FLRT2: variants seen among roughly 807,000 people sequenced by gnomAD.
FLRT2 encodes the protein leucine-rich repeat transmembrane protein FLRT2.
Under a neutral mutation model 40.0 loss-of-function variants are expected in FLRT2, and 15 were observed. That is an observed-to-expected ratio of 0.38 (90% confidence interval 0.25 to 0.58). The LOEUF is 0.58. Among genes scored for constraint, FLRT2 ranks in the 20% least tolerant of loss-of-function variants. The probability of loss-of-function intolerance (pLI) is 0.71; values close to 1 mark genes in which losing one functional copy is unlikely to be tolerated. For missense variants in FLRT2, 726 were observed against 840.0 expected (o/e 0.86, Z 1.68); for synonymous variants, 380 against 336.8 (o/e 1.13, Z -1.41).
chr14:85,638,809 G>T lies in FLRT2; in HGVS notation c.*15312G>T, dbSNP rs999328904. The T allele has an allele frequency of 1.3e-5, 2 of 152,132 alleles. No individual in the cohort carries two copies. Among genetic ancestry groups the T allele is most frequent in the Non-Finnish European group, 2.9e-5 (2 of 68,028 alleles). The allele number at this position is 152,132 out of a possible 1,614,324, so 9.4% of individuals were successfully genotyped here. ...GAGGCCTAGATTTTGCTGCATGTCC[G>T]CAAACCTATTTTGATCAACCAGTAC... On this transcript the variant is annotated 3_prime_UTR_variant, in exon 2 of 2. Coordinates refer to ENST00000330753, the MANE Select transcript of FLRT2 (RefSeq NM_013231.6).
At chr14:85,599,181 A>G (rs1235572942) in intron 1 of FLRT2, among the ~76,000 whole-genome samples, 1 of 148,914 alleles carries the variant, frequency 6.7e-6, no homozygotes, top group Admixed American at 6.7e-5. Flanking sequence ...CGGCCTCCCA[A>G]AGTGCTGGGA....
chr14:85,623,225 C>A lies in FLRT2; in HGVS notation c.1711C>A (p.Arg571Ser). ...TTGCTGGCATATGCACAAAAAGGGG[C>A]GCTACACCTCCCAGAAGTGGAAATA... The part of the protein sequence containing the change: ...VFCWHMHKKG[R>S]YTSQKWKYNR... Residue 571 changes from arginine (R) to serine (S), a missense_variant, in exon 2 of 2, where the codon CGC (arginine) becomes AGC (serine). Around this residue, in one of 3 missense-constraint regions of FLRT2, gnomAD observed 611 missense variants for 690.0 expected, o/e 0.89. Coordinates refer to ENST00000330753, the MANE Select transcript of FLRT2 (RefSeq NM_013231.6). The A allele has an allele frequency of 6.5e-7, 1 of 1,527,706 alleles. No individual in the cohort carries two copies. The allele number at this position is 1,527,706 out of a possible 1,614,324, so 94.6% of individuals were successfully genotyped here.
At position 85,624,423 on chromosome 14, in the gene FLRT2, T is replaced by C. The variant is rs1484956809; in HGVS notation, c.*926T>C. On this transcript the variant is annotated 3_prime_UTR_variant, in exon 2 of 2. Coordinates refer to ENST00000330753, the MANE Select transcript of FLRT2 (RefSeq NM_013231.6). The stretch of plus-strand genomic sequence containing the variant: ...GAATTATTTTTGATAATGAGAATTA[T>C]TTGGGTAGATTCACTGAGGCTATGT... 1.2e-5 allele frequency: 2 copies of C among 167,090 alleles called. No homozygotes were observed. The highest frequency in any genetic ancestry group is 2.9e-5 in the Non-Finnish European group (2 of 68,124). 10.4% of individuals were successfully genotyped at this position (167,090 alleles called of 1,614,324 possible). A position where few individuals can be genotyped will look rare whatever the true frequency, so the allele number is the denominator to read the frequency against.
chr14:85,572,195 T>G (rs1032584730), intron 1 of FLRT2, among the ~76,000 whole-genome samples: 4 of 152,192 alleles, frequency 2.6e-5, no homozygotes, highest in African/African-American at 9.6e-5. Context: ...GGATTTCCTT[T>G]TCTCTGCTTA....
At chr14:85,603,972 A>G (rs1359024101) in intron 1 of FLRT2, among the ~76,000 whole-genome samples, 1 of 152,156 alleles carries the variant, frequency 6.6e-6, no homozygotes, top group East Asian at 1.9e-4. Flanking sequence ...TGCCATTTTT[A>G]CTGTGTTAAA....
In FLRT2 at chr14:85,631,695, G is replaced by T. The variant is rs550037085; in HGVS notation, c.*8198G>T. 1 of 152,246 alleles carries T rather than the reference G, an allele frequency of 6.6e-6. No homozygotes were observed. Among genetic ancestry groups the T allele is most frequent in the East Asian group, 1.9e-4 (1 of 5,188 alleles). The allele number at this position is 152,246 out of a possible 1,614,324, so 9.4% of individuals were successfully genotyped here. ...TGATTACTCATCAACATTTTTAAAA[G>T]AAATTTTGTTTTTATGATTATTTGG... On this transcript the variant is annotated 3_prime_UTR_variant, in exon 2 of 2. Transcript: ENST00000330753.
Position 85,628,324 on chromosome 14 carries a change from T to C in FLRT2, c.*4827T>C, listed in dbSNP as rs2753608. On this transcript the variant is annotated 3_prime_UTR_variant, in exon 2 of 2. Transcript: ENST00000330753. Reference sequence around the variant, plus strand: ...TTATTTTTTATTTTTAAATTTTTTTTAAACACGGTCTTACCATGTTGCCCA... The same window carrying C: ...TTATTTTTTATTTTTAAATTTTTTTCAAACACGGTCTTACCATGTTGCCCA... 6.6e-6 allele frequency: 1 copy of C among 152,000 alleles called. No individual in the cohort carries two copies. The highest frequency in any genetic ancestry group is 1.9e-4 in the East Asian group (1 of 5,182). The allele number at this position is 152,000 out of a possible 1,614,324, so 9.4% of individuals were successfully genotyped here.
At chr14:85,620,408 T>C (rs1197697558) in intron 1 of FLRT2, among the ~76,000 whole-genome samples, 1 of 152,186 alleles carries the variant, frequency 6.6e-6, no homozygotes, top group Non-Finnish European at 1.5e-5. Flanking sequence ...AGTGATAATA[T>C]AATGAATAAT....
At chr14:85,539,015 C>T (rs1214372036) in intron 1 of FLRT2, among the ~76,000 whole-genome samples, 1 of 152,072 alleles carries the variant, frequency 6.6e-6, no homozygotes, top group Non-Finnish European at 1.5e-5. Flanking sequence ...ATCTAATAGA[C>T]AAAGTGGAGG....
intron 1 of FLRT2, among the ~76,000 whole-genome samples, chr14:85,565,642 G>C (rs1890584208): frequency 6.6e-6 from 1 of 152,066 alleles, no homozygotes; most frequent in Non-Finnish European, 1.5e-5. Context: ...TGAGGTTATT[G>C]GTTTTAAAAT....
In FLRT2 at chr14:85,644,834, C is replaced by T. The variant is rs1894251531; in HGVS notation, c.*21337C>T. On this transcript the variant is annotated 3_prime_UTR_variant, in exon 2 of 2. Coordinates refer to ENST00000330753, the MANE Select transcript of FLRT2 (RefSeq NM_013231.6). ...TCTTTGCTACTTGGTTACAATGATC[C>T]AGCAAATTCAACGGTGCATAAAATG... 6.6e-6 allele frequency: 1 copy of T among 152,114 alleles called. No individual in the cohort carries two copies. Among genetic ancestry groups the T allele is most frequent in the Non-Finnish European group, 1.5e-5 (1 of 68,044 alleles). The allele number at this position is 152,114 out of a possible 1,614,324, so 9.4% of individuals were successfully genotyped here.
chr14:85,640,029 T>C lies in FLRT2; in HGVS notation c.*16532T>C, dbSNP rs530080683. The C allele has an allele frequency of 4.6e-5, 7 of 152,194 alleles. No homozygotes were observed. Among genetic ancestry groups the C allele is most frequent in the African/African-American group, 1.4e-4 (6 of 41,522 alleles). 9.4% of individuals were successfully genotyped at this position (152,194 alleles called of 1,614,324 possible). On this transcript the variant is annotated 3_prime_UTR_variant, in exon 2 of 2. Transcript: ENST00000330753. ...ACGCCTGGCTAATATTTTGTATTTT[T>C]AGTAGAGACGAGGTTTCACCGTGTT...
chr14:85,567,304 T>C (rs1366505913), intron 1 of FLRT2, among the ~76,000 whole-genome samples: 1 of 152,172 alleles, frequency 6.6e-6, no homozygotes, highest in Non-Finnish European at 1.5e-5. Context: ...CAAAGATACC[T>C]GGAATCTCGA....
rs562035959 is a variant in FLRT2, at chr14:85,607,903, C to G, written c.-376-13236C>G. On this transcript the variant is annotated intron_variant, in intron 1 of 1. Coordinates refer to ENST00000330753, the MANE Select transcript of FLRT2 (RefSeq NM_013231.6). ...TCTGGTGGCTAGGAGTTCAAGCTGTCGGCAGGGCTGGTTTCTTCCTAGGCT... is the reference window on the plus strand; with the variant it reads ...TCTGGTGGCTAGGAGTTCAAGCTGTGGGCAGGGCTGGTTTCTTCCTAGGCT... Among the ~76,000 whole-genome samples, 3 of 152,256 alleles carry G rather than the reference C, an allele frequency of 2.0e-5. No homozygotes were observed. The East Asian group carries it at 5.8e-4, about 29-fold the overall frequency.
At chr14:85,557,898 G>A (rs1412340728) in intron 1 of FLRT2, among the ~76,000 whole-genome samples, 3 of 152,050 alleles carry the variant, frequency 2.0e-5, no homozygotes, top group Non-Finnish European at 2.9e-5. Flanking sequence ...TGCTTATGTC[G>A]CTAGTTCATG....
chr14:85,566,649 G>A lies in FLRT2; in HGVS notation c.-377+36115G>A, dbSNP rs1890635851. On this transcript the variant is annotated intron_variant, in intron 1 of 1. Transcript: ENST00000330753. ...ATGCAATATTTCGTATTCTTCAGTA[G>A]TTGATCCAAATACATACGGTGGAAT... Among the ~76,000 whole-genome samples the A allele has an allele frequency of 2.0e-5, 3 of 150,346 alleles. No individual in the cohort carries two copies. In the South Asian group the frequency reaches 6.4e-4, roughly 32 times the overall value.
chr14:85,533,633 A>C (rs943529056), intron 1 of FLRT2, among the ~76,000 whole-genome samples: 1 of 151,764 alleles, frequency 6.6e-6, no homozygotes, highest in Non-Finnish European at 1.5e-5. Context: ...GGAGGAGAGA[A>C]GGCGGGGGTC....
chr14:85,545,750 T>C (rs1270084040), intron 1 of FLRT2, among the ~76,000 whole-genome samples: 1 of 152,238 alleles, frequency 6.6e-6, no homozygotes, highest in African/African-American at 2.4e-5. Flanking sequence ...TGTGGATACA[T>C]GCCTAATGAT....
intron 1 of FLRT2, among the ~76,000 whole-genome samples, chr14:85,604,853 T>A (rs1412573723): frequency 6.6e-6 from 1 of 151,946 alleles, no homozygotes; most frequent in East Asian, 1.9e-4. Flanking sequence ...AGGGGTGAAG[T>A]GGGTGGGGGT....
Sources: gnomAD v4.1 joint callset for allele counts (sites outside exome capture counted in the v4.1 genomes callset) on GRCh38, gnomAD v4.1.1 for gene constraint, gnomAD v4.1.1 regional missense constraint, MANE v1.5 for transcripts, NCBI Gene and HGNC (gene_info 2026-07-23, HGNC 2026-07-21) for gene names.